ZMYM4: variants seen among roughly 807,000 people sequenced by gnomAD.
ZMYM4 encodes the protein zinc finger MYM-type protein 4.
A neutral mutation model predicts 183.2 loss-of-function variants in ZMYM4; 31 were observed. The ratio of observed to expected loss-of-function variants is 0.17; its 90% confidence interval spans 0.13 to 0.23. The LOEUF is 0.23. Among genes scored for constraint, ZMYM4 ranks in the 10% least tolerant of loss-of-function variants. The pLI, the probability that ZMYM4 is intolerant of heterozygous loss-of-function variation, is 1.00. For missense variants in ZMYM4, 1,273 were observed against 1,840.3 expected, an observed-to-expected ratio of 0.69 and a Z score of 5.64; for synonymous variants, 592 against 631.2, an observed-to-expected ratio of 0.94 and a Z score of 0.93.
chr1:35,352,266 C>T (rs868399878), intron 2 of ZMYM4, among the ~76,000 whole-genome samples: 2,542 of 57,282 alleles, frequency 0.044, 86 homozygotes, highest in African/African-American at 0.16. Flanking sequence ...CGCACGCGCG[C>T]GCGCACACAC....
At chr1:35,410,913 G>A (rs12088396) in intron 26 of ZMYM4, among the ~76,000 whole-genome samples, 9,908 of 151,768 alleles carry the variant, frequency 0.065, 936 homozygotes, top group East Asian at 0.44. Context: ...CACATTCAAG[G>A]GCATGAAGAT....
At chr1:35,350,992 T>G (rs116667198) in intron 2 of ZMYM4, 22,700 of 834,590 alleles carry the variant, frequency 0.027, 1,229 homozygotes, top group African/African-American at 0.16. Context: ...AAGGTTGGCC[T>G]GACAAATTAT....
At chr1:35,414,511 C>A (rs114961895) in intron 27 of ZMYM4, among the ~76,000 whole-genome samples, 2,084 of 152,196 alleles carry the variant, frequency 0.014, 52 homozygotes, top group African/African-American at 0.046. Context: ...AGGTCTCAGG[C>A]TGAGGTGAAT....
At chr1:35,273,253 C>G (rs777486024) in intron 1 of ZMYM4, among the ~76,000 whole-genome samples, 2 of 152,042 alleles carry the variant, frequency 1.3e-5, no homozygotes, top group Admixed American at 1.3e-4. Flanking sequence ...TACATGAAGG[C>G]GTTACAGCAA....
rs537661151 is a variant in ZMYM4, at chr1:35,359,612, C to A, written c.607+166C>A. 2.0e-5 allele frequency among the ~76,000 whole-genome samples: 3 copies of A among 151,992 alleles called. No individual in the cohort carries two copies. The East Asian group carries it at 5.8e-4, about 29-fold the overall frequency. On this transcript the variant is annotated intron_variant, in intron 3 of 29. Transcript: ENST00000314607. ...TCTTTGCAGAGTGACTGAATTTCTC[C>A]CAGTAACTTTTGGTAATGGTATAAA...
chr1:35,350,873 T>C, intron 2 of ZMYM4: 1 of 598,494 alleles, frequency 1.7e-6, no homozygotes, highest in Non-Finnish European at 3.0e-6. Context: ...AAATACAGGA[T>C]GATAATTTGT....
At position 35,389,513 on chromosome 1, in the gene ZMYM4, G is replaced by C. The variant is rs1212041898; in HGVS notation, c.2436+431G>C. On this transcript the variant is annotated intron_variant, in intron 14 of 29. Transcript: ENST00000314607. This position sits in a 1 kb window ranked among gnomAD's most constrained non-coding sequence, Gnocchi z 4.0. ...CTCACGCCTGTAATCCCAGCACTTTGGGAGGCCGAGGCGGGTGGATCATGA... is the reference window on the plus strand; with the variant it reads ...CTCACGCCTGTAATCCCAGCACTTTCGGAGGCCGAGGCGGGTGGATCATGA... Among the ~76,000 whole-genome samples, 1 of 152,094 alleles carries C rather than the reference G, an allele frequency of 6.6e-6. No homozygotes were observed. The highest frequency in any genetic ancestry group is 1.5e-5 in the Non-Finnish European group (1 of 67,994).
intron 1 of ZMYM4, among the ~76,000 whole-genome samples, chr1:35,320,297 T>C (rs948672927): frequency 6.6e-6 from 1 of 152,198 alleles, no homozygotes; most frequent in Non-Finnish European, 1.5e-5. Context: ...GGCTGCATAA[T>C]GAAGCCTCCA....
intron 1 of ZMYM4, among the ~76,000 whole-genome samples, chr1:35,276,894 A>G (rs1639905680): frequency 1.3e-5 from 2 of 152,326 alleles, no homozygotes; most frequent in African/African-American, 4.8e-5. Flanking sequence ...GGCATGAGCC[A>G]CTGCACCCAG....
chr1:35,271,814 G>A (rs1639620795), intron 1 of ZMYM4, among the ~76,000 whole-genome samples: 1 of 152,050 alleles, frequency 6.6e-6, no homozygotes, highest in Non-Finnish European at 1.5e-5. Flanking sequence ...TTGATTTTTG[G>A]AATTAATGGT....
At chr1:35,379,077 C>T (rs1249020919) in intron 7 of ZMYM4, among the ~76,000 whole-genome samples, 2 of 152,124 alleles carry the variant, frequency 1.3e-5, no homozygotes, top group South Asian at 2.1e-4. Flanking sequence ...CTCTCCACAT[C>T]AGCAGTAAGA....
At chr1:35,310,673 G>C (rs1037717449) in intron 1 of ZMYM4, among the ~76,000 whole-genome samples, 1 of 152,024 alleles carries the variant, frequency 6.6e-6, no homozygotes, top group African/African-American at 2.4e-5. Flanking sequence ...CTACCTCCCA[G>C]ATTCAAGTGG....
At position 35,389,633 on chromosome 1, in the gene ZMYM4, TAGTCCCAGCTACCTGGGAGGC is replaced by T. The variant is rs1644657167; in HGVS notation, c.2437-314_2437-294del. On this transcript the variant is annotated intron_variant, in intron 14 of 29. Transcript: ENST00000314607. The surrounding 1 kb of genome is among the most constrained non-coding windows in gnomAD (Gnocchi z 4.0). ...AGCTGGGTGTGGTGGCGGGCGCCTG[TAGTCCCAGCTACCTGGGAGGC>T]TGAGGCAGGAGAATTGCATGAACCC... Among the ~76,000 whole-genome samples, 1 of 151,850 alleles carries T rather than the reference TAGTCCCAGCTACCTGGGAGGC, an allele frequency of 6.6e-6. No homozygotes were observed. The highest frequency in any genetic ancestry group is 6.6e-5 in the Admixed American group (1 of 15,238).
chr1:35,300,085 A>G (rs541603015), intron 1 of ZMYM4, among the ~76,000 whole-genome samples: 21 of 152,260 alleles, frequency 1.4e-4, no homozygotes, highest in African/African-American at 4.1e-4. Flanking sequence ...ATGAGCCACT[A>G]TGCCCGGCAA....
intron 1 of ZMYM4, among the ~76,000 whole-genome samples, chr1:35,274,720 T>C (rs1170843246): frequency 6.6e-6 from 1 of 151,764 alleles, no homozygotes; most frequent in African/African-American, 2.4e-5. Flanking sequence ...GAGACATCTA[T>C]AAATAATGAT....
intron 1 of ZMYM4, among the ~76,000 whole-genome samples, chr1:35,278,452 A>G (rs11264128): frequency 0.13 from 19,281 of 146,134 alleles, 2,893 homozygotes; most frequent in East Asian, 0.68. Flanking sequence ...TTTAGATGGA[A>G]TTTCACTCTC....
intron 2 of ZMYM4, among the ~76,000 whole-genome samples, chr1:35,351,974 A>G (rs1643624076): frequency 1.3e-5 from 2 of 152,194 alleles, no homozygotes; most frequent in Non-Finnish European, 2.9e-5. Context: ...GTCTATTTGC[A>G]TTTTACTGAT....
chr1:35,314,298 TTTTTG>T, intron 1 of ZMYM4, among the ~76,000 whole-genome samples: 1 of 152,222 alleles, frequency 6.6e-6, no homozygotes, highest in Non-Finnish European at 1.5e-5. Flanking sequence ...TACTCTTTTT[TTTTTG>T]AGACGGAGTC....
chr1:35,300,776 A>G (rs987323228), intron 1 of ZMYM4, among the ~76,000 whole-genome samples: 5 of 152,180 alleles, frequency 3.3e-5, no homozygotes, highest in Non-Finnish European at 7.3e-5. Context: ...TCCTTAGTAT[A>G]TTCATGCTTT....
Sources: allele counts gnomAD v4.1 joint callset (sites outside exome capture counted in the v4.1 genomes callset), GRCh38; gene constraint gnomAD v4.1.1; non-coding constraint Gnocchi (gnomAD v3.1); transcripts MANE v1.5; gene names NCBI Gene and HGNC (gene_info 2026-07-23, HGNC 2026-07-21).